The following KATNAL1 variants were observed in gnomAD, a reference collection of about 807,000 sequenced individuals.
KATNAL1 encodes katanin p60 ATPase-containing subunit A-like 1.
KATNAL1 carries 32 observed loss-of-function variants against 55.2 expected under a neutral mutation model. That is an observed-to-expected ratio of 0.58 (90% CI 0.44 to 0.78). The LOEUF (loss-of-function observed/expected upper bound fraction) is 0.78, where lower values mean the gene tolerates loss of function less well. KATNAL1 is among the 30% of genes least tolerant of loss of function. The pLI, the probability that KATNAL1 is intolerant of heterozygous loss-of-function variation, is 0.00. For synonymous variants in KATNAL1, 193 were observed against 193.6 expected (o/e 1.00, Z 0.02); for missense variants, 466 against 600.9 (o/e 0.78, Z 2.35).
chr13:30,240,585 T>C lies in KATNAL1; in HGVS notation c.621-20A>G, dbSNP rs778697450. The C allele has an allele frequency of 1.1e-4, 158 of 1,497,856 alleles. 4 individuals are homozygous for C. In the Admixed American group the frequency reaches 2.6e-3, roughly 25 times the overall value. The allele number at this position is 1,497,856 out of a possible 1,614,324, so 92.8% of individuals were successfully genotyped here. Reference sequence around the variant, plus strand: ...TCATCCCTTTGAAAGAACAGCAAACTTTCATAATGTTTACTCAGGGATCTT... The same window carrying C: ...TCATCCCTTTGAAAGAACAGCAAACCTTCATAATGTTTACTCAGGGATCTT... On this transcript the variant is annotated intron_variant, in intron 5 of 10. Transcript: ENST00000380615.
chr13:30,256,325 G>C (rs1878783041), intron 3 of KATNAL1, among the ~76,000 whole-genome samples: 1 of 152,152 alleles, frequency 6.6e-6, no homozygotes, highest in African/African-American at 2.4e-5. Flanking sequence ...CTTGTCTCCT[G>C]CAAACATTAA....
In KATNAL1 at chr13:30,205,527, C is replaced by G. The variant is rs1873023176; in HGVS notation, c.*3013G>C. On this transcript the variant is annotated 3_prime_UTR_variant, in exon 11 of 11. Coordinates refer to ENST00000380615, the MANE Select transcript of KATNAL1 (RefSeq NM_032116.5). ...TGATAATGCATCTGCTACCGCAACACTGAATAACAAAACAAAACGAAGCAA... is the reference window on the plus strand; with the variant it reads ...TGATAATGCATCTGCTACCGCAACAGTGAATAACAAAACAAAACGAAGCAA... 1.3e-5 allele frequency: 2 copies of G among 152,266 alleles called. No individual in the cohort carries two copies. Among genetic ancestry groups the G allele is most frequent in the Non-Finnish European group, 2.9e-5 (2 of 68,070 alleles). 9.4% of individuals were successfully genotyped at this position (152,266 alleles called of 1,614,324 possible). A position where few individuals can be genotyped will look rare whatever the true frequency, so the allele number is the denominator to read the frequency against.
chr13:30,239,521 G>T (rs968514734), intron 6 of KATNAL1, among the ~76,000 whole-genome samples: 1 of 151,958 alleles, frequency 6.6e-6, no homozygotes. Context: ...TTCTATTCAA[G>T]AATTTTATTC....
At chr13:30,260,491 A>G (rs1317699222) in intron 3 of KATNAL1, among the ~76,000 whole-genome samples, 1 of 152,216 alleles carries the variant, frequency 6.6e-6, no homozygotes, top group Non-Finnish European at 1.5e-5. Flanking sequence ...AGAAGAATGT[A>G]TAACTAGAAT....
intron 3 of KATNAL1, among the ~76,000 whole-genome samples, chr13:30,260,097 C>A (rs1879147904): frequency 6.6e-6 from 1 of 152,168 alleles, no homozygotes; most frequent in African/African-American, 2.4e-5. Context: ...GGGAGGTACC[C>A]CCCAGCAGGG....
intron 2 of KATNAL1, among the ~76,000 whole-genome samples, chr13:30,280,456 A>G (rs1303067038): frequency 6.6e-6 from 1 of 152,186 alleles, no homozygotes; most frequent in Non-Finnish European, 1.5e-5. Context: ...TATCTTTCAT[A>G]ACGGAATTCC....
At chr13:30,259,955 A>G (rs1439756894) in intron 3 of KATNAL1, among the ~76,000 whole-genome samples, 4 of 152,282 alleles carry the variant, frequency 2.6e-5, no homozygotes, top group East Asian at 1.9e-4. Context: ...AGTAACCTCT[A>G]CAGACTTAAA....
chr13:30,231,129 T>A (rs202085), intron 7 of KATNAL1, among the ~76,000 whole-genome samples, 185 bp downstream of exon 7: 48,813 of 152,040 alleles, frequency 0.32, 8,348 homozygotes, highest in Admixed American at 0.45. Context: ...AAGAAAAAGA[T>A]ACACTGAAGA....
At position 30,227,505 on chromosome 13, in the gene KATNAL1, C is replaced by T; in HGVS notation, c.1054G>A (p.Val352Ile). 1 of 1,613,874 alleles carries T rather than the reference C, an allele frequency of 6.2e-7. No individual in the cohort carries two copies. Among genetic ancestry groups the T allele is most frequent in the Non-Finnish European group, 8.5e-7 (1 of 1,179,832 alleles). The change falls in exon 9 of 11, where the codon GTT (valine) becomes ATT (isoleucine). Residue 352 changes from valine (V) to isoleucine (I), a missense_variant. Coordinates refer to ENST00000380615, the MANE Select transcript of KATNAL1 (RefSeq NM_032116.5). ...AAATTAGTAGCAGCCAATACCATAA[C>T]CATTTTGGAAGGATCATCATTTTCT... ...ALENDDPSKM[V>I]MVLAATNFPW... is the part of the protein sequence containing the mutation.
intron 1 of KATNAL1, chr13:30,296,354 T>G: frequency 8.8e-7 from 1 of 1,135,892 alleles, no homozygotes; most frequent in Non-Finnish European, 1.3e-6. Context: ...CAAGCTGGGC[T>G]GCGAAGTGCT....
chr13:30,295,018 C>T (rs564801712), intron 1 of KATNAL1, among the ~76,000 whole-genome samples: 12 of 152,344 alleles, frequency 7.9e-5, no homozygotes, highest in African/African-American at 2.9e-4. Flanking sequence ...TATTGCCACT[C>T]ACTGACAATG....
rs1000307998 is a variant in KATNAL1 at position 30,265,911 on chromosome 13, C to CG, written c.324-10297dup. Among the ~76,000 whole-genome samples, 152 of 139,218 alleles carry CG rather than the reference C, an allele frequency of 1.1e-3. 1 individual carries two copies. Among genetic ancestry groups the CG allele is most frequent in the East Asian group, 5.9e-3 (25 of 4,248 alleles). 91.3% of individuals were successfully genotyped at this position (139,218 alleles called of 152,430 possible). On this transcript the variant is annotated intron_variant, in intron 3 of 10. Transcript: ENST00000380615. ...CCTATAATCCCAGCTACTTGAGAGG[C>CG]GGGGGCAGGAGAATTGCTTGAACCC...
At chr13:30,303,970 G>A (rs367572090) in intron 1 of KATNAL1, among the ~76,000 whole-genome samples, 19 of 152,304 alleles carry the variant, frequency 1.2e-4, no homozygotes, top group African/African-American at 4.3e-4. Context: ...CTGTTAGTAA[G>A]GAAGTGGGAG....
chr13:30,244,540 C>A (rs1877596119), intron 4 of KATNAL1, among the ~76,000 whole-genome samples: 1 of 152,116 alleles, frequency 6.6e-6, no homozygotes, highest in Non-Finnish European at 1.5e-5. Flanking sequence ...ACAGTCCCAC[C>A]AACAGTGTAA....
chr13:30,283,292 G>GAAAAAA (rs1491096718), intron 2 of KATNAL1, among the ~76,000 whole-genome samples: 1 of 83,388 alleles, frequency 1.2e-5, no homozygotes, highest in Non-Finnish European at 2.1e-5. Flanking sequence ...AAAAAAAAAA[G>GAAAAAA]GAATGAATGA....
At chr13:30,273,483 T>C (rs536218419) in intron 3 of KATNAL1, among the ~76,000 whole-genome samples, 7 of 152,302 alleles carry the variant, frequency 4.6e-5, no homozygotes, top group African/African-American at 1.4e-4. Context: ...ATGGTAACAA[T>C]AGTACCTATT....
chr13:30,208,778 C>A, intron 10 of KATNAL1, 40 bp from the exon 11 acceptor site: 2 of 1,420,526 alleles, frequency 1.4e-6, no homozygotes, highest in Non-Finnish European at 1.9e-6. Context: ...AATTTTTGCA[C>A]ATGTTTTAAA....
chr13:30,275,021 T>C (rs1200230112), intron 3 of KATNAL1, among the ~76,000 whole-genome samples: 6 of 151,732 alleles, frequency 4.0e-5, no homozygotes, highest in Admixed American at 6.6e-5. Context: ...ACAGGCCAGA[T>C]ACAGAAAGAC....
At chr13:30,284,547 T>C (rs1239058620) in intron 1 of KATNAL1, among the ~76,000 whole-genome samples, 4 of 152,176 alleles carry the variant, frequency 2.6e-5, no homozygotes, top group Non-Finnish European at 4.4e-5. Flanking sequence ...AAAGTTATAC[T>C]TAAAGAATAC....
Sources: gnomAD v4.1 joint callset for allele counts (sites outside exome capture counted in the v4.1 genomes callset) on GRCh38, gnomAD v4.1.1 for gene constraint, MANE v1.5 for transcripts, NCBI Gene and HGNC (gene_info 2026-07-23, HGNC 2026-07-21) for gene names.